The following PTAFR variants were observed in gnomAD, a reference collection of about 807,000 sequenced individuals.
PTAFR encodes platelet activating factor receptor, also known as platelet-activating factor receptor.
Under a neutral mutation model 14.7 loss-of-function variants are expected in PTAFR, and 8 were observed. That is an observed-to-expected ratio of 0.54 (90% confidence interval 0.32 to 0.98). The LOEUF is 0.98. Among genes scored for constraint, PTAFR ranks in the 50% least tolerant of loss-of-function variants. PTAFR has a pLI of 0.04. For missense variants in PTAFR, 337 were observed against 451.2 expected (o/e 0.75, Z 2.29); for synonymous variants, 156 against 176.5 (o/e 0.88, Z 0.92).
At chr1:28,173,660 A>G (rs562537486) in intron 1 of PTAFR, among the ~76,000 whole-genome samples, 15 of 149,918 alleles carry the variant, frequency 1.0e-4, no homozygotes, top group African/African-American at 1.5e-4. Context: ...CAAAAGAAAA[A>G]AAAAAAGAGG....
rs531568875 is a variant in PTAFR, at chr1:28,192,095, T to TAA, written c.-39+1625_-39+1626dup. Among the ~76,000 whole-genome samples, 11 of 144,184 alleles carry TAA rather than the reference T, an allele frequency of 7.6e-5. No individual in the cohort carries two copies. The South Asian group carries it at 2.2e-3, about 29-fold the overall frequency. 94.6% of individuals were successfully genotyped at this position (144,184 alleles called of 152,430 possible). On this transcript the variant is annotated intron_variant, in intron 1 of 1. Transcript: ENST00000305392. ...CTCAATAAATAAATAGTAAAACATTTAAAAAAAAAAAGGTGGACTCTGGGA... is the reference window on the plus strand; with the variant it reads ...CTCAATAAATAAATAGTAAAACATTTAAAAAAAAAAAAAGGTGGACTCTGGGA...
intron 1 of PTAFR, among the ~76,000 whole-genome samples, chr1:28,154,226 G>A (rs1326137499): frequency 1.3e-5 from 2 of 152,020 alleles, no homozygotes; most frequent in Non-Finnish European, 2.9e-5. Flanking sequence ...GCCATAGGAA[G>A]TAAGATCCCA....
At chr1:28,155,062 G>A (rs991762710) in intron 1 of PTAFR, among the ~76,000 whole-genome samples, 8 of 152,210 alleles carry the variant, frequency 5.3e-5, no homozygotes, top group South Asian at 2.1e-4. Flanking sequence ...CCCTCACCTC[G>A]TGCCACCTTA....
chr1:28,152,000 T>C (rs190109384), intron 1 of PTAFR, among the ~76,000 whole-genome samples: 3 of 152,184 alleles, frequency 2.0e-5, no homozygotes, highest in African/African-American at 7.2e-5. Context: ...TCAAGCAATC[T>C]TCCCACCTCA....
chr1:28,178,070 A>C (rs892400504), upstream of PTAFR, among the ~76,000 whole-genome samples: 6 of 151,930 alleles, frequency 3.9e-5, no homozygotes, highest in African/African-American at 1.5e-4. Context: ...ACAACCTCCT[A>C]CACAGAGAGG....
intron 1 of PTAFR, among the ~76,000 whole-genome samples, chr1:28,160,048 C>T (rs1298325478): frequency 6.6e-6 from 1 of 150,702 alleles, no homozygotes; most frequent in Non-Finnish European, 1.5e-5. Flanking sequence ...CCTCATCACT[C>T]CTAAAAATTT....
At chr1:28,174,224 C>T (rs1024578412) in intron 1 of PTAFR, among the ~76,000 whole-genome samples, 2 of 152,142 alleles carry the variant, frequency 1.3e-5, no homozygotes, top group African/African-American at 2.4e-5. Flanking sequence ...CAGACACACA[C>T]CCCTAGGCCC....
At chr1:28,167,467 G>A (rs1646397933) in intron 1 of PTAFR, among the ~76,000 whole-genome samples, 1 of 152,028 alleles carries the variant, frequency 6.6e-6, no homozygotes. Flanking sequence ...TGTCAGCAAG[G>A]ATGTGAGAAA....
At chr1:28,182,996 T>C (rs1363919144) in intron 1 of PTAFR, among the ~76,000 whole-genome samples, 3 of 151,616 alleles carry the variant, frequency 2.0e-5, no homozygotes, top group Admixed American at 6.6e-5. Context: ...CAATTTTTTA[T>C]AATTAAGAAA....
At chr1:28,192,558 C>CAA (rs375926757) in intron 1 of PTAFR, among the ~76,000 whole-genome samples, 6 of 56,292 alleles carry the variant, frequency 1.1e-4, no homozygotes, top group African/African-American at 1.0e-4. Context: ...AACTCCGTCT[C>CAA]AAAAAAAAAA....
intron 1 of PTAFR, among the ~76,000 whole-genome samples, chr1:28,153,791 G>A (rs1334598960): frequency 2.0e-5 from 3 of 151,844 alleles, no homozygotes; most frequent in East Asian, 1.9e-4. Context: ...TGGAGGCCGA[G>A]GCAGGAGAAT....
intron 1 of PTAFR, among the ~76,000 whole-genome samples, chr1:28,166,497 T>A (rs1646386462): frequency 6.6e-6 from 1 of 151,838 alleles, no homozygotes; most frequent in Non-Finnish European, 1.5e-5. Flanking sequence ...CATGGTGAAA[T>A]CCCGTCTCTA....
At chr1:28,193,206 G>T (rs1206751897) in intron 1 of PTAFR, among the ~76,000 whole-genome samples, 1 of 152,024 alleles carries the variant, frequency 6.6e-6, no homozygotes, top group Non-Finnish European at 1.5e-5. Context: ...GAAGATATTT[G>T]TGAGACCTTG....
upstream of PTAFR, among the ~76,000 whole-genome samples, chr1:28,181,174 T>C (rs754800901): frequency 1.5e-4 from 23 of 152,288 alleles, no homozygotes; most frequent in Non-Finnish European, 1.9e-4. Flanking sequence ...ACTAAGTTTG[T>C]GGTAACTTCT....
intron 1 of PTAFR, among the ~76,000 whole-genome samples, chr1:28,171,120 C>T (rs1646448731): frequency 1.3e-5 from 2 of 151,998 alleles, no homozygotes; most frequent in South Asian, 4.1e-4. Flanking sequence ...GTCAGGAGTT[C>T]AAGACTGGCC....
At chr1:28,173,135 T>A (rs989788223) in intron 1 of PTAFR, among the ~76,000 whole-genome samples, 9 of 150,880 alleles carry the variant, frequency 6.0e-5, no homozygotes, top group Admixed American at 2.6e-4. Context: ...AAAAGTTTTT[T>A]AAATTAGCCA....
chr1:28,184,383 G>A (rs1295546831), intron 1 of PTAFR, among the ~76,000 whole-genome samples: 15 of 151,714 alleles, frequency 9.9e-5, no homozygotes, highest in African/African-American at 2.9e-4. Context: ...GTGAGCCACC[G>A]TACCCGGCCT....
chr1:28,156,963 C>T (rs1646270716), intron 1 of PTAFR, among the ~76,000 whole-genome samples: 1 of 152,120 alleles, frequency 6.6e-6, no homozygotes, highest in African/African-American at 2.4e-5. Context: ...CTACCCCCGC[C>T]CCCTTGCCCA....
At chr1:28,156,805 A>C (rs879490878) in intron 1 of PTAFR, among the ~76,000 whole-genome samples, 33 of 152,112 alleles carry the variant, frequency 2.2e-4, no homozygotes, top group Admixed American at 2.0e-3. Flanking sequence ...CTCTCAGGCT[A>C]TACTGGTTAT....
Sources: gnomAD v4.1 joint callset for allele counts (sites outside exome capture counted in the v4.1 genomes callset) on GRCh38, gnomAD v4.1.1 for gene constraint, MANE v1.5 for transcripts, NCBI Gene and HGNC (gene_info 2026-07-23, HGNC 2026-07-21) for gene names.